AHNAK: variants seen among roughly 807,000 people sequenced by gnomAD.
AHNAK encodes AHNAK nucleoprotein, also known as neuroblast differentiation-associated protein AHNAK.
Under a neutral mutation model 37.8 loss-of-function variants are expected in AHNAK, and 23 were observed. The ratio of observed to expected loss-of-function variants is 0.61; its 90% CI spans 0.44 to 0.86. AHNAK has a LOEUF of 0.86. Ranked by LOEUF, AHNAK falls within the 40% of genes least tolerant of loss-of-function variation. The pLI is 0.00. For synonymous variants in AHNAK, 2,481 were observed against 2,636.3 expected (o/e 0.94, Z 1.80); for missense variants, 7,411 against 7,319.4 (o/e 1.01, Z -0.46).
In AHNAK at chr11:62,527,521, T is replaced by A; in HGVS notation, c.6896A>T (p.Lys2299Met). ...EGPEGKLKGP[K>M]FKMPEMHFKT... ...GAAGTGCATCTCAGGCATCTTAAAC[T>A]TGGGGCCCTTCAGCTTCCCTTCTGG... The change falls in exon 5 of 5, where the codon AAG (lysine) becomes ATG (methionine). Residue 2299 changes from lysine (K) to methionine (M), a missense_variant. Lys to Met is a moderately conservative substitution (Grantham distance 95). Coordinates refer to ENST00000378024, the MANE Select transcript of AHNAK (RefSeq NM_001620.3). The A allele has an allele frequency of 6.2e-7, 1 of 1,613,058 alleles. No homozygotes were observed.
At position 62,532,815 on chromosome 11, in the gene AHNAK, C is replaced by A; in HGVS notation, c.1602G>T (p.Val534=). ...TGTCCACTCTGGAGCCTTTAAGTGC[C>A]ACTTGAGGGCCTTTAACATCACCTT... ...GVQGDVKGPQ[V]ALKGSRVDIE... Residue 534 remains valine, a synonymous_variant, in exon 5 of 5, where the codon GTG becomes GTT. Coordinates refer to ENST00000378024, the MANE Select transcript of AHNAK (RefSeq NM_001620.3). 1 of 1,614,020 alleles carries A rather than the reference C, an allele frequency of 6.2e-7. No homozygotes were observed. The highest frequency in any genetic ancestry group is 8.5e-7 in the Non-Finnish European group (1 of 1,179,958).
chr11:62,525,426 A>T lies in AHNAK; in HGVS notation c.8991T>A (p.Val2997=), dbSNP rs1233854868. 1.2e-6 allele frequency: 2 copies of T among 1,612,752 alleles called. No homozygotes were observed. The highest frequency in any genetic ancestry group is 1.1e-5 in the South Asian group (1 of 91,022). The change falls in exon 5 of 5, where the codon GTT becomes GTA. Residue 2997 remains valine, a synonymous_variant. Coordinates refer to ENST00000378024, the MANE Select transcript of AHNAK (RefSeq NM_001620.3). ...TGTCCACTTGGGGACCCCTGATGTC[A>T]ACTTCAGGGCCCTTGAGGTCACCTT... ...KVEGDLKGPE[V]DIRGPQVDID... is the part of the protein sequence containing the mutation.
intron 1 of AHNAK, among the ~76,000 whole-genome samples, chr11:62,538,555 G>T (rs1941026244): frequency 6.6e-6 from 1 of 152,220 alleles, no homozygotes; most frequent in African/African-American, 2.4e-5. Flanking sequence ...AGTATCAACA[G>T]TCAATCAATG....
chr11:62,490,283 C>G (rs991917541), intron 5 of AHNAK, among the ~76,000 whole-genome samples: 1 of 148,108 alleles, frequency 6.8e-6, no homozygotes, highest in Non-Finnish European at 1.5e-5. Context: ...CTCACTGCAA[C>G]CTCCGCCTCC....
chr11:62,450,227 G>A (rs908118777), intron 5 of AHNAK, among the ~76,000 whole-genome samples: 7 of 151,442 alleles, frequency 4.6e-5, no homozygotes, highest in South Asian at 2.1e-4. Context: ...GTGATCTCAC[G>A]GCACACGGCA....
chr11:62,506,552 C>A (rs544141841), intron 4 of AHNAK, among the ~76,000 whole-genome samples: 17 of 152,242 alleles, frequency 1.1e-4, no homozygotes, highest in African/African-American at 2.9e-4. Flanking sequence ...GTTCTCCCCC[C>A]AGACAGGAGG....
downstream of AHNAK, among the ~76,000 whole-genome samples, chr11:62,511,379 A>G (rs926530115): frequency 6.6e-6 from 1 of 152,066 alleles, no homozygotes; most frequent in African/African-American, 2.4e-5. Flanking sequence ...CAGCCACCAG[A>G]GTAGCTGGAA....
downstream of AHNAK, among the ~76,000 whole-genome samples, chr11:62,513,710 G>A (rs543212273): frequency 5.3e-5 from 8 of 152,226 alleles, no homozygotes; most frequent in Non-Finnish European, 8.8e-5. Flanking sequence ...CCATCACTGC[G>A]GGAAGCAGCG....
At chr11:62,450,121 A>ATTATT (rs538721690) in intron 5 of AHNAK, among the ~76,000 whole-genome samples, 3 of 146,106 alleles carry the variant, frequency 2.1e-5, no homozygotes, top group Non-Finnish European at 4.5e-5. Flanking sequence ...ATTTTATTTT[A>ATTATT]TTATTTTATT....
intron 5 of AHNAK, among the ~76,000 whole-genome samples, chr11:62,452,043 A>T (rs1185666526): frequency 6.6e-6 from 1 of 151,486 alleles, no homozygotes; most frequent in Non-Finnish European, 1.5e-5. Flanking sequence ...CGATCTCCTG[A>T]CCTCGTGATC....
rs1940578468 is a variant in AHNAK, at chr11:62,528,204, G to A, written c.6213C>T (p.Asn2071=). Residue 2071 remains asparagine (N), a synonymous_variant, in exon 5 of 5, where the codon AAC becomes AAT. Transcript: ENST00000378024. The part of the protein sequence containing the change: ...FKAEGPEVDV[N]LPKADVVVSG... ...AGACAACAACATCAGCCTTGGGCAA[G>A]TTCACATCCACTTCTGGGCCCTCTG... is the stretch of plus-strand genomic sequence containing the variant. 2 of 1,613,912 alleles carry A rather than the reference G, an allele frequency of 1.2e-6. No individual in the cohort carries two copies. Among genetic ancestry groups the A allele is most frequent in the South Asian group, 2.2e-5 (2 of 91,084 alleles).
At chr11:62,504,502 C>T (rs1215562918) in intron 4 of AHNAK, among the ~76,000 whole-genome samples, 2 of 152,202 alleles carry the variant, frequency 1.3e-5, no homozygotes, top group South Asian at 2.1e-4. Context: ...AGTTGTGAGC[C>T]GAACTTGCAA....
At chr11:62,440,556 A>C (rs575034640) in intron 5 of AHNAK, among the ~76,000 whole-genome samples, 62 of 152,282 alleles carry the variant, frequency 4.1e-4, no homozygotes, top group African/African-American at 1.4e-3. Context: ...TAGTGGACAG[A>C]GATGGCCACC....
At chr11:62,504,110 A>C (rs1320842685) in intron 4 of AHNAK, among the ~76,000 whole-genome samples, 1 of 152,014 alleles carries the variant, frequency 6.6e-6, no homozygotes, top group African/African-American at 2.4e-5. Flanking sequence ...GCAGTGAGCC[A>C]AGATCACACC....
intron 1 of AHNAK, among the ~76,000 whole-genome samples, chr11:62,540,455 T>A (rs935643650): frequency 1.9e-4 from 29 of 151,978 alleles, no homozygotes; most frequent in Non-Finnish European, 3.7e-4. Flanking sequence ...GGGACCCTAG[T>A]CCCAGAGCCT....
At chr11:62,534,243 C>A (rs548603056) in intron 4 of AHNAK, among the ~76,000 whole-genome samples, 169 bp from the exon 5 acceptor site, 2 of 152,296 alleles carry the variant, frequency 1.3e-5, no homozygotes, top group South Asian at 4.1e-4. Context: ...AAGAAAGGGG[C>A]TGACAGCCAC....
chr11:62,525,536 G>T lies in AHNAK; in HGVS notation c.8881C>A (p.Pro2961Thr), dbSNP rs1393389313. ...TCAAAGTCAGGCATGGGGATCTTGG[G>T]GGCTTTGATATTCATCTCTGGCATC... ...FKMPEMNIKA[P>T]KIPMPDFDLH... is the part of the protein sequence containing the mutation. The change falls in exon 5 of 5, where the codon CCC (proline) becomes ACC (threonine). Residue 2961 changes from proline (P) to threonine (T), a missense_variant. Transcript: ENST00000378024. The T allele has an allele frequency of 6.2e-7, 1 of 1,613,660 alleles. No homozygotes were observed. Among genetic ancestry groups the T allele is most frequent in the Non-Finnish European group, 8.5e-7 (1 of 1,179,986 alleles).
At position 62,532,232 on chromosome 11, in the gene AHNAK, G is replaced by A. The variant is rs760834277; in HGVS notation, c.2185C>T (p.Pro729Ser). 1.2e-6 allele frequency: 2 copies of A among 1,613,794 alleles called. No individual in the cohort carries two copies. The highest frequency in any genetic ancestry group is 1.7e-6 in the Non-Finnish European group (2 of 1,179,980). The change falls in exon 5 of 5, where the codon CCA becomes TCA. Residue 729 changes from proline to serine, a missense_variant. Pro to Ser is a moderately conservative substitution (Grantham distance 74). Coordinates refer to ENST00000378024, the MANE Select transcript of AHNAK (RefSeq NM_001620.3). ...VPKLEGELKG[P>S]KVDIDAPDVD... ...TCTGGGGCATCAATGTCCACTTTTG[G>A]GCCTTTGAGTTCTCCTTCCAGCTTT...
Position 62,517,637 on chromosome 11 carries a change from C to T in AHNAK, c.16780G>A (p.Gly5594Arg), listed in dbSNP as rs1209208082. ...ACTTGGGGTCCCTTCCACTCACCCCCGGAACCTTTAACACTCAAATGCCCT... is the reference window on the plus strand; with the variant it reads ...ACTTGGGGTCCCTTCCACTCACCCCTGGAACCTTTAACACTCAAATGCCCT... The part of the protein sequence containing the change: ...GEGHLSVKGS[G>R]GEWKGPQVSS... Residue 5594 changes from glycine to arginine, a missense_variant, in exon 5 of 5, where the codon GGG (glycine) becomes AGG (arginine). Transcript: ENST00000378024. The T allele has an allele frequency of 5.0e-6, 8 of 1,614,044 alleles. No individual in the cohort carries two copies. Among genetic ancestry groups the T allele is most frequent in the South Asian group, 2.2e-5 (2 of 91,086 alleles).
Sources: gnomAD v4.1 joint callset for allele counts (sites outside exome capture counted in the v4.1 genomes callset) on GRCh38, gnomAD v4.1.1 for gene constraint, MANE v1.5 for transcripts, NCBI Gene and HGNC (gene_info 2026-07-23, HGNC 2026-07-21) for gene names.